The following CRACR2A variants were observed in gnomAD, a reference collection of about 807,000 sequenced individuals.
CRACR2A encodes the protein calcium release activated channel regulator 2A.
A neutral mutation model predicts 90.5 loss-of-function variants in CRACR2A; 79 were observed. The observed-to-expected ratio is 0.87, with a 90% CI of 0.73 to 1.05. CRACR2A has a LOEUF of 1.05. Ranked by LOEUF, CRACR2A falls within the 50% of genes least tolerant of loss-of-function variation. The probability of loss-of-function intolerance (pLI) is 0.00; values close to 1 mark genes in which losing one functional copy is unlikely to be tolerated. For synonymous variants in CRACR2A, 338 were observed against 356.7 expected (o/e 0.95, Z 0.59); for missense variants, 823 against 897.2 (o/e 0.92, Z 1.06).
At chr12:3,749,937 T>A (rs1244618458) in intron 1 of CRACR2A, among the ~76,000 whole-genome samples, 1 of 150,890 alleles carries the variant, frequency 6.6e-6, no homozygotes, top group Non-Finnish European at 1.5e-5. Flanking sequence ...TTTTTTTATT[T>A]TTTATTTTTA....
intron 7 of CRACR2A, among the ~76,000 whole-genome samples, chr12:3,660,699 T>G (rs1945012788): frequency 6.6e-6 from 1 of 152,142 alleles, no homozygotes. Context: ...TTTTCATACC[T>G]TTTTTGCTGA....
At chr12:3,673,887 T>A (rs1018310851) in intron 6 of CRACR2A, among the ~76,000 whole-genome samples, 13 of 152,352 alleles carry the variant, frequency 8.5e-5, no homozygotes, top group Admixed American at 3.3e-4. Context: ...CAGTCACTGA[T>A]GGAGTCAGGG....
At chr12:3,635,409 AT>A (rs951454514) in intron 14 of CRACR2A, among the ~76,000 whole-genome samples, 32 of 152,346 alleles carry the variant, frequency 2.1e-4, no homozygotes, top group African/African-American at 7.7e-4. Context: ...AATAAAATGT[AT>A]GCTAATTTTT....
chr12:3,722,937 C>A (rs1052169227), intron 2 of CRACR2A, among the ~76,000 whole-genome samples: 1 of 152,236 alleles, frequency 6.6e-6, no homozygotes, highest in Non-Finnish European at 1.5e-5. Context: ...TTTCCTTACC[C>A]TCTCTGAGCC....
At chr12:3,720,473 G>GA (rs891811449) in intron 2 of CRACR2A, among the ~76,000 whole-genome samples, 8 of 140,006 alleles carry the variant, frequency 5.7e-5, no homozygotes, top group African/African-American at 1.7e-4. Flanking sequence ...GAAAGCAAAA[G>GA]AAAAAAAGAA....
In CRACR2A at chr12:3,638,241, T is replaced by C. The variant is rs1392766260; in HGVS notation, c.1485A>G (p.Ser495=). The C allele has an allele frequency of 1.9e-6, 3 of 1,551,718 alleles. No homozygotes were observed. The highest frequency in any genetic ancestry group is 2.6e-6 in the Non-Finnish European group (3 of 1,146,996). The change falls in exon 14 of 20, where the codon TCA becomes TCG. Residue 495 remains serine, a synonymous_variant. Transcript: ENST00000440314. ...CCTGGTCAGAGACCTCTTCCTCTTC[T>C]GAGCATTTGCTCAGGGGTTGCTCAA... ...GGFEQPLSKC[S]EEEEVSDQGV...
chr12:3,700,111 C>T (rs906405343), intron 3 of CRACR2A, among the ~76,000 whole-genome samples: 3 of 152,084 alleles, frequency 2.0e-5, no homozygotes, highest in Non-Finnish European at 2.9e-5. Context: ...AAGCCCCTAC[C>T]GAACAGGATT....
chr12:3,734,226 C>T (rs1275064078), intron 1 of CRACR2A, among the ~76,000 whole-genome samples: 2 of 151,864 alleles, frequency 1.3e-5, no homozygotes, highest in Non-Finnish European at 2.9e-5. Context: ...ATCTGCCCGC[C>T]TCAGCCTCCC....
intron 7 of CRACR2A, among the ~76,000 whole-genome samples, chr12:3,661,567 C>T (rs1454840453): frequency 6.6e-6 from 1 of 152,144 alleles, no homozygotes; most frequent in East Asian, 1.9e-4. Flanking sequence ...TCTGAGCTAA[C>T]TCATAAGAAT....
At chr12:3,662,747 C>G (rs1179796028) in intron 7 of CRACR2A, among the ~76,000 whole-genome samples, 1 of 152,222 alleles carries the variant, frequency 6.6e-6, no homozygotes, top group African/African-American at 2.4e-5. Context: ...AGCTGCAGAG[C>G]CAGGAGCCTG....
chr12:3,698,567 C>T (rs1017123083), intron 3 of CRACR2A, among the ~76,000 whole-genome samples: 3 of 152,256 alleles, frequency 2.0e-5, no homozygotes, highest in Non-Finnish European at 4.4e-5. Context: ...GATCAGGCTA[C>T]ACCCTTTGCT....
At chr12:3,650,500 T>C (rs1591656218) in intron 10 of CRACR2A, among the ~76,000 whole-genome samples, 1 of 152,202 alleles carries the variant, frequency 6.6e-6, no homozygotes, top group East Asian at 1.9e-4. Context: ...ACAATGTATT[T>C]CCCATTATCC....
intron 2 of CRACR2A, chr12:3,729,601 G>A (rs903079367): frequency 1.3e-5 from 2 of 152,294 alleles, no homozygotes; most frequent in African/African-American, 4.8e-5. Context: ...TACTTGGGAG[G>A]CTGAGGCAGA....
At chr12:3,727,873 G>A (rs969789964) in intron 2 of CRACR2A, 11 of 151,396 alleles carry the variant, frequency 7.3e-5, no homozygotes, top group African/African-American at 2.4e-4. Flanking sequence ...TGTACCTCCT[G>A]AATCTAAAAA....
rs1945463735 is a variant in CRACR2A, at chr12:3,681,979, T to C, written c.229-1630A>G. 2.0e-5 allele frequency among the ~76,000 whole-genome samples: 3 copies of C among 152,156 alleles called. 1 individual carries two copies. In the South Asian group the frequency reaches 6.2e-4, roughly 32 times the overall value. The stretch of plus-strand genomic sequence containing the variant: ...AGTGTGCAAAGATTCTGGAAGTATA[T>C]CTGCTTAGCATTCAGCAGAATCTCT... On this transcript the variant is annotated intron_variant, in intron 4 of 19. Coordinates refer to ENST00000440314, the MANE Select transcript of CRACR2A (RefSeq NM_001144958.2).
At chr12:3,699,080 A>G (rs1205972543) in intron 3 of CRACR2A, among the ~76,000 whole-genome samples, 2 of 152,188 alleles carry the variant, frequency 1.3e-5, no homozygotes, top group East Asian at 3.8e-4. Flanking sequence ...GGTAAGTATA[A>G]TTAGGATTCC....
At chr12:3,741,306 C>G (rs931952620) in intron 1 of CRACR2A, among the ~76,000 whole-genome samples, 1 of 152,106 alleles carries the variant, frequency 6.6e-6, no homozygotes, top group Non-Finnish European at 1.5e-5. Context: ...CTATGGGGCA[C>G]CGGCTGAGCC....
At chr12:3,743,096 T>C (rs952982647) in intron 1 of CRACR2A, among the ~76,000 whole-genome samples, 3 of 152,240 alleles carry the variant, frequency 2.0e-5, no homozygotes, top group South Asian at 2.1e-4. Flanking sequence ...TGTGTTACAA[T>C]CTAACTGCTA....
intron 1 of CRACR2A, among the ~76,000 whole-genome samples, chr12:3,737,584 G>T (rs1454016908): frequency 6.6e-6 from 1 of 152,200 alleles, no homozygotes; most frequent in African/African-American, 2.4e-5. Context: ...CCAGGCAAGA[G>T]ATGGCAACAT....
Sources: allele counts gnomAD v4.1 joint callset (sites outside exome capture counted in the v4.1 genomes callset), GRCh38; gene constraint gnomAD v4.1.1; transcripts MANE v1.5; gene names NCBI Gene and HGNC (gene_info 2026-07-23, HGNC 2026-07-21).